Variants in REEP4 observed in about 807,000 individuals in gnomAD.
REEP4 encodes receptor expression-enhancing protein 4.
A neutral mutation model predicts 33.5 loss-of-function variants in REEP4; 17 were observed. That is an observed-to-expected ratio of 0.51 (90% CI 0.35 to 0.76). REEP4 has a LOEUF of 0.76. REEP4 is among the 30% of genes least tolerant of loss of function. The pLI, the probability that REEP4 is intolerant of heterozygous loss-of-function variation, is 0.01. For missense variants in REEP4, 340 were observed against 357.9 expected (o/e 0.95, Z 0.40); for synonymous variants, 157 against 142.9 (o/e 1.10, Z -0.70).
chr8:22,140,717 G>C lies in REEP4; in HGVS notation c.33-20C>G. ...ACCAGCCTGGAAGAGCAGCCATGGG[G>C]AGTGTGAGGGGCACCATGCCCCACT... On this transcript the variant is annotated intron_variant, in intron 1 of 7. Coordinates refer to ENST00000306306, the MANE Select transcript of REEP4 (RefSeq NM_025232.4). 6.2e-7 allele frequency: 1 copy of C among 1,602,472 alleles called. No individual in the cohort carries two copies. Among genetic ancestry groups the C allele is most frequent in the African/African-American group, 1.3e-5 (1 of 74,700 alleles).
Position 22,138,423 on chromosome 8 carries a change from T to C in REEP4, c.*64A>G. Reference sequence around the variant, plus strand: ...GGCAGGCCAGATGTGCAGCCCAAGGTCCCTCCAAATAGCCCTGGAGCCCTG... The same window carrying C: ...GGCAGGCCAGATGTGCAGCCCAAGGCCCCTCCAAATAGCCCTGGAGCCCTG... On this transcript the variant is annotated 3_prime_UTR_variant, in exon 8 of 8. Coordinates refer to ENST00000306306, the MANE Select transcript of REEP4 (RefSeq NM_025232.4). The C allele has an allele frequency of 6.3e-7, 1 of 1,578,362 alleles. No homozygotes were observed. Among genetic ancestry groups the C allele is most frequent in the Non-Finnish European group, 8.7e-7 (1 of 1,154,322 alleles).
chr8:22,140,204 T>C lies in REEP4; in HGVS notation c.150A>G (p.Ala50=), dbSNP rs1827207135. ...TAAAAATGTCTGTAACGATCTCTGC[T>C]GCCATGAAGAGTGCAAAAACAATCC... ...MYWIVFALFM[A]AEIVTDIFIS... The change falls in exon 3 of 8, where the codon GCA becomes GCG. Residue 50 remains alanine, a synonymous_variant. Transcript: ENST00000306306. 4 of 1,614,156 alleles carry C rather than the reference T, an allele frequency of 2.5e-6. No homozygotes were observed. The highest frequency in any genetic ancestry group is 8.5e-7 in the Non-Finnish European group (1 of 1,180,032).
intron 5 of REEP4, 105 bp from the exon 6 acceptor site, chr8:22,139,166 C>G (rs1827183354): frequency 6.8e-7 from 1 of 1,463,520 alleles, no homozygotes. Flanking sequence ...CAGCAAGCTT[C>G]TGGCCCCGCG....
chr8:22,139,271 C>T (rs1231015889), intron 5 of REEP4, 145 bp downstream of exon 5: 1 of 926,066 alleles, frequency 1.1e-6, no homozygotes, highest in East Asian at 2.6e-5. Context: ...ACTCCAGCTC[C>T]ACGCTTCTGC....
Position 22,139,544 on chromosome 8 carries a change from G to C in REEP4, c.304-15C>G. 6.3e-7 allele frequency: 1 copy of C among 1,584,148 alleles called. No homozygotes were observed. Among genetic ancestry groups the C allele is most frequent in the Non-Finnish European group, 8.6e-7 (1 of 1,162,064 alleles). ...GCGTCGATCTCCTGTGGACCCAATG[G>C]GGAGGAGAGCTCAGGTGGACAGCCA... On this transcript the variant is annotated splice_polypyrimidine_tract_variant and intron_variant, in intron 4 of 7. Coordinates refer to ENST00000306306, the MANE Select transcript of REEP4 (RefSeq NM_025232.4).
Position 22,138,981 on chromosome 8 carries a change from G to C in REEP4, c.498C>G (p.Ala166=). 1 of 1,608,916 alleles carries C rather than the reference G, an allele frequency of 6.2e-7. No individual in the cohort carries two copies. The highest frequency in any genetic ancestry group is 8.5e-7 in the Non-Finnish European group (1 of 1,178,010). ...CCTCCAGGTAGAGGGGGTCATGGTA[G>C]GCAGGGGCAGGTGCGTCAGAGATGG... The part of the protein sequence containing the change: ...LRSISDAPAP[A]YHDPLYLEDQ... The change falls in exon 6 of 8, where the codon GCC becomes GCG. Residue 166 remains alanine (A), a synonymous_variant. Transcript: ENST00000306306.
chr8:22,140,307 G>GCCAGC, intron 2 of REEP4, 59 bp from the exon 3 acceptor site: 5 of 1,540,362 alleles, frequency 3.2e-6, no homozygotes, highest in Admixed American at 3.4e-5. Flanking sequence ...CCCAACCCAG[G>GCCAGC]CCAGCCCAGC....
chr8:22,141,439 G>C lies in REEP4; in HGVS notation c.32+12C>G, dbSNP rs772371218. 1.2e-6 allele frequency: 2 copies of C among 1,601,466 alleles called. No individual in the cohort carries two copies. Among genetic ancestry groups the C allele is most frequent in the Non-Finnish European group, 8.5e-7 (1 of 1,174,552 alleles). On this transcript the variant is annotated intron_variant, in intron 1 of 7. Transcript: ENST00000306306. ...CCCGGGGTAGAGGAGGTCTGAGGGCGGCCATACTCACACCACCAGGCGACA... is the reference window on the plus strand; with the variant it reads ...CCCGGGGTAGAGGAGGTCTGAGGGCCGCCATACTCACACCACCAGGCGACA...
In REEP4 at chr8:22,138,646, A is replaced by G. The variant is rs759282879; in HGVS notation, c.701T>C (p.Val234Ala). Residue 234 changes from valine (V) to alanine (A), a missense_variant, in exon 7 of 8, where the codon GTG becomes GCG. By Grantham distance (64) the Val-to-Ala change is moderately conservative. Coordinates refer to ENST00000306306, the MANE Select transcript of REEP4 (RefSeq NM_025232.4). ...TCGTCCTCCCACACTGACCTCCCGC[A>G]CCGGTGGCTTCCTCTTGACCACACG... ...SLRVVKRKPP[V>A]REGTSRSLKV... is the part of the protein sequence containing the mutation. 27 of 1,613,756 alleles carry G rather than the reference A, an allele frequency of 1.7e-5. No homozygotes were observed. The Middle Eastern group carries it at 4.9e-4, about 29-fold the overall frequency.
Position 22,139,953 on chromosome 8 carries a change from C to T in REEP4, c.303+10G>A. The T allele has an allele frequency of 6.3e-7, 1 of 1,580,886 alleles. No homozygotes were observed. The highest frequency in any genetic ancestry group is 1.1e-5 in the South Asian group (1 of 86,970). On this transcript the variant is annotated intron_variant, in intron 4 of 7. Coordinates refer to ENST00000306306, the MANE Select transcript of REEP4 (RefSeq NM_025232.4). Reference sequence around the variant, plus strand: ...CCCTAAGCCTCCCTTCCCGCTTCCCCCTGGGGTACCTTCTCATGGCGGGAC... The same window carrying T: ...CCCTAAGCCTCCCTTCCCGCTTCCCTCTGGGGTACCTTCTCATGGCGGGAC...
chr8:22,138,782 C>T lies in REEP4; in HGVS notation c.565G>A (p.Gly189Arg), dbSNP rs192178384. The T allele has an allele frequency of 6.2e-5, 99 of 1,601,392 alleles. No homozygotes were observed. Among genetic ancestry groups the T allele is most frequent in the Middle Eastern group, 1.7e-4 (1 of 5,982 alleles). Residue 189 changes from glycine (G) to arginine (R), a missense_variant, in exon 7 of 8, where the codon GGG becomes AGG. Transcript: ENST00000306306. Reference protein sequence around the residue: ...HRRPPIGYRAGGLQDSDTEDE... With the variant: ...HRRPPIGYRARGLQDSDTEDE... Reference sequence around the variant, plus strand: ...TCGGTGTCGCTGTCCTGCAGGCCCCCGGCCCGGTACCCTGTGTGGAGGAGG... The same window carrying T: ...TCGGTGTCGCTGTCCTGCAGGCCCCTGGCCCGGTACCCTGTGTGGAGGAGG...
At chr8:22,141,104 T>C (rs1039575548) in intron 1 of REEP4, among the ~76,000 whole-genome samples, 46 of 152,378 alleles carry the variant, frequency 3.0e-4, no homozygotes, top group African/African-American at 1.0e-3. Context: ...GTCATGTGAC[T>C]GCTCAGATGG....
At chr8:22,139,907 G>A in intron 4 of REEP4, 56 bp downstream of exon 4, 1 of 1,548,050 alleles carries the variant, frequency 6.5e-7, no homozygotes, top group African/African-American at 1.4e-5. Context: ...CCAGGTCCAG[G>A]GCTCTTTCCC....
At chr8:22,140,139 CT>C (rs1827204304) in intron 3 of REEP4, 32 bp downstream of exon 3, 1 of 1,614,142 alleles carries the variant, frequency 6.2e-7, no homozygotes, top group Non-Finnish European at 8.5e-7. Flanking sequence ...GGGGCCACCC[CT>C]GACCCATGGC....
intron 4 of REEP4, 34 bp from the exon 5 acceptor site, chr8:22,139,563 A>G: frequency 1.3e-6 from 2 of 1,514,000 alleles, no homozygotes; most frequent in African/African-American, 2.7e-5. Context: ...GCTCAGGTGG[A>G]CAGCCAGAGT....
rs767620650 is a variant in REEP4, at chr8:22,138,906, G to A, written c.553+20C>T. 3.2e-6 allele frequency: 5 copies of A among 1,563,946 alleles called. No individual in the cohort carries two copies. Among genetic ancestry groups the A allele is most frequent in the Non-Finnish European group, 4.3e-6 (5 of 1,158,832 alleles). On this transcript the variant is annotated intron_variant, in intron 6 of 7. Transcript: ENST00000306306. The stretch of plus-strand genomic sequence containing the variant: ...AAGCCATCCCTCCTGGCATGGCTCT[G>A]GGCCCCTCTGCCCGCTCACCAATGG...
chr8:22,141,367 C>A (rs1827228183), intron 1 of REEP4, 84 bp downstream of exon 1: 14 of 1,502,648 alleles, frequency 9.3e-6, no homozygotes, highest in Admixed American at 1.9e-5. Context: ...GAAAGTTCCT[C>A]CTCCCACTAG....
chr8:22,141,546 G>A lies in REEP4; in HGVS notation c.-64C>T. 2.6e-6 allele frequency: 4 copies of A among 1,543,948 alleles called. No homozygotes were observed. The highest frequency in any genetic ancestry group is 3.5e-6 in the Non-Finnish European group (4 of 1,139,178). ...CCGCTCAGAAGGACGTTCACTCAAG[G>A]GCTGGGACGGGGGGTGATCAGGGCA... On this transcript the variant is annotated 5_prime_UTR_variant, in exon 1 of 8. Coordinates refer to ENST00000306306, the MANE Select transcript of REEP4 (RefSeq NM_025232.4).
At chr8:22,140,470 C>T in intron 2 of REEP4, 155 bp downstream of exon 2, 1 of 622,956 alleles carries the variant, frequency 1.6e-6, no homozygotes. Context: ...GGCCTGCCCT[C>T]TATCTACACC....
Sources: gnomAD v4.1 joint callset for allele counts (sites outside exome capture counted in the v4.1 genomes callset) on GRCh38, gnomAD v4.1.1 for gene constraint, MANE v1.5 for transcripts, NCBI Gene and HGNC (gene_info 2026-07-23, HGNC 2026-07-21) for gene names.